KRTAP4-11: variants seen among roughly 807,000 people sequenced by gnomAD.
KRTAP4-11 encodes the protein keratin associated protein 4-11, also known as keratin-associated protein 4-11.
In KRTAP4-11, 3 loss-of-function variants were observed where a neutral mutation model predicts 3.4. The ratio of observed to expected loss-of-function variants is 0.87; its 90% CI spans 0.40 to 2.26. The LOEUF is 2.26. Ranked by LOEUF, KRTAP4-11 falls within the 30% of genes most tolerant of loss-of-function variation. The pLI, the probability that KRTAP4-11 is intolerant of heterozygous loss-of-function variation, is 0.05. For synonymous variants in KRTAP4-11, 94 were observed against 89.4 expected (o/e 1.05, Z -0.29); for missense variants, 248 against 258.8 (o/e 0.96, Z 0.29).
At position 41,117,588 on chromosome 17, in the gene KRTAP4-11, G is replaced by T. The variant is rs1597991044; in HGVS notation, c.*140C>A. On this transcript the variant is annotated 3_prime_UTR_variant, in exon 1 of 1. Coordinates refer to ENST00000391413, the MANE Select transcript of KRTAP4-11 (RefSeq NM_033059.4). ...ATGTTCTCACAGAGTCAGTGGGATG[G>T]TGATGGGCTCATTGGAAACATGAAG... 7.5e-7 allele frequency: 1 copy of T among 1,337,108 alleles called. No homozygotes were observed. Among genetic ancestry groups the T allele is most frequent in the Non-Finnish European group, 1.0e-6 (1 of 992,552 alleles). The allele number at this position is 1,337,108 out of a possible 1,614,324, so 82.8% of individuals were successfully genotyped here. A position where few individuals can be genotyped will look rare whatever the true frequency, so the allele number is the denominator to read the frequency against.
Position 41,117,423 on chromosome 17 carries a change from G to C in KRTAP4-11, c.*305C>G. 3.8e-6 allele frequency: 2 copies of C among 524,604 alleles called. No individual in the cohort carries two copies. 32.5% of individuals were successfully genotyped at this position (524,604 alleles called of 1,614,324 possible). On this transcript the variant is annotated 3_prime_UTR_variant, in exon 1 of 1. Coordinates refer to ENST00000391413, the MANE Select transcript of KRTAP4-11 (RefSeq NM_033059.4). ...TGTACCTCACTGGGAAGGATATTCT[G>C]TAGGCTCAAAACGATTTAAAAAATG...
rs904248156 is a variant in KRTAP4-11, at chr17:41,117,373, T to C, written c.*355A>G. The C allele has an allele frequency of 2.7e-5, 9 of 334,856 alleles. No homozygotes were observed. The highest frequency in any genetic ancestry group is 4.9e-5 in the Non-Finnish European group (9 of 184,530). 20.7% of individuals were successfully genotyped at this position (334,856 alleles called of 1,614,324 possible). ...AATGACTGAAAGGCTGACAGACAAA[T>C]AATATGTTTGAAATGGAGATAATGT... On this transcript the variant is annotated 3_prime_UTR_variant, in exon 1 of 1. Transcript: ENST00000391413.
rs1219159951 is a variant in KRTAP4-11 at position 41,117,295 on chromosome 17, G to T, written c.*433C>A. 2 of 197,072 alleles carry T rather than the reference G, an allele frequency of 1.0e-5. No homozygotes were observed. Among genetic ancestry groups the T allele is most frequent in the East Asian group, 2.7e-4 (2 of 7,478 alleles). 12.2% of individuals were successfully genotyped at this position (197,072 alleles called of 1,614,324 possible). On this transcript the variant is annotated 3_prime_UTR_variant, in exon 1 of 1. Transcript: ENST00000391413. ...CAAACAGAGACAAAGAGAGAACAGGGAGAAAGCAGGAGAGCATGGGAGGGG... is the reference window on the plus strand; with the variant it reads ...CAAACAGAGACAAAGAGAGAACAGGTAGAAAGCAGGAGAGCATGGGAGGGG...
chr17:41,118,036 A>G lies in KRTAP4-11; in HGVS notation c.280T>C (p.Cys94Arg). 6.7e-7 allele frequency: 1 copy of G among 1,484,738 alleles called. No individual in the cohort carries two copies. Among genetic ancestry groups the G allele is most frequent in the African/African-American group, 1.5e-5 (1 of 65,940 alleles). The allele number at this position is 1,484,738 out of a possible 1,614,324, so 92.0% of individuals were successfully genotyped here. ...GGGCGGCAGCAAGTGGGCTGGCAGC[A>G]CATAGACTGGCAGCACTGGGGCTTG... ...CCKPQCCQSM[C>R]CQPTCCRPRC... The change falls in exon 1 of 1, where the codon TGC becomes CGC. Residue 94 changes from cysteine (C) to arginine (R), a missense_variant. Cys to Arg is a radical substitution (Grantham distance 180, BLOSUM62 -3). Around this residue, in one of 3 missense-constraint regions of KRTAP4-11, gnomAD observed 7 missense variants for 25.7 expected, o/e 0.27. Transcript: ENST00000391413.
chr17:41,117,851 G>A lies in KRTAP4-11; in HGVS notation c.465C>T (p.Cys155=). The change falls in exon 1 of 1, where the codon TGC becomes TGT. Residue 155 remains cysteine (C), a synonymous_variant. Transcript: ENST00000391413. ...CTGGACGCAGGCAGCAGCAGGGGCG[G>A]CAGCAGCTGGATTCACAGCAAGAGG... The part of the protein sequence containing the change: ...CRPSCCESSC[C]RPCCCLRPVC... 3 of 1,591,864 alleles carry A rather than the reference G, an allele frequency of 1.9e-6. No individual in the cohort carries two copies. The highest frequency in any genetic ancestry group is 2.6e-6 in the Non-Finnish European group (3 of 1,162,620).
chr17:41,117,875 G>C lies in KRTAP4-11; in HGVS notation c.441C>G (p.Pro147=), dbSNP rs766727385. 36 of 1,611,366 alleles carry C rather than the reference G, an allele frequency of 2.2e-5. No homozygotes were observed. Among genetic ancestry groups the C allele is most frequent in the South Asian group, 4.4e-5 (4 of 90,960 alleles). The stretch of plus-strand genomic sequence containing the variant: ...GGCAGCAGCTGGATTCACAGCAAGA[G>C]GGGCGGCAGCAGCTGGAGATGCTGC... ...PSCSISSCCR[P]SCCESSCCRP... Residue 147 remains proline, a synonymous_variant, in exon 1 of 1, where the codon CCC becomes CCG. Transcript: ENST00000391413.
Position 41,118,337 on chromosome 17 carries a change from T to C in KRTAP4-11, c.-22A>G. The C allele has an allele frequency of 6.3e-7, 1 of 1,575,530 alleles. No homozygotes were observed. Among genetic ancestry groups the C allele is most frequent in the Non-Finnish European group, 8.6e-7 (1 of 1,159,578 alleles). The stretch of plus-strand genomic sequence containing the variant: ...CCATGGTGTCAGAGGGTGAAGGATC[T>C]AGTTGGGTTTCTAGGAGAGTGAAGT... On this transcript the variant is annotated 5_prime_UTR_variant, in exon 1 of 1. Coordinates refer to ENST00000391413, the MANE Select transcript of KRTAP4-11 (RefSeq NM_033059.4).
chr17:41,117,666 C>G lies in KRTAP4-11; in HGVS notation c.*62G>C. ...ACTCCATGTGTCCTAATAGTCAGCA[C>G]AGAAGAATGGTCTACAACTGTGGGC... On this transcript the variant is annotated 3_prime_UTR_variant, in exon 1 of 1. Coordinates refer to ENST00000391413, the MANE Select transcript of KRTAP4-11 (RefSeq NM_033059.4). The G allele has an allele frequency of 4.6e-6, 7 of 1,521,332 alleles. No homozygotes were observed. Among genetic ancestry groups the G allele is most frequent in the Middle Eastern group, 1.7e-4 (1 of 5,810 alleles). 94.2% of individuals were successfully genotyped at this position (1,521,332 alleles called of 1,614,324 possible).
Position 41,117,784 on chromosome 17 carries a change from T to C in KRTAP4-11, c.532A>G (p.Thr178Ala), listed in dbSNP as rs767683124. 119 of 1,596,778 alleles carry C rather than the reference T, an allele frequency of 7.5e-5. 2 individuals carry two copies. The Middle Eastern group carries it at 4.6e-3, about 62-fold the overall frequency. Residue 178 changes from threonine (T) to alanine (A), a missense_variant, in exon 1 of 1, where the codon ACC becomes GCC. By Grantham distance (58) the Thr-to-Ala change is moderately conservative. Transcript: ENST00000391413. Reference sequence around the variant, plus strand: ...CGGGGGCAGCTGGAGATGACACAGGTTGGGCGATAGCAAGTGGTGTGGCAG... The same window carrying C: ...CGGGGGCAGCTGGAGATGACACAGGCTGGGCGATAGCAAGTGGTGTGGCAG... ...VSCHTTCYRP[T>A]CVISSCPRPL... is the part of the protein sequence containing the mutation.
rs942012212 is a variant in KRTAP4-11, at chr17:41,117,310, C to A, written c.*418G>T. The A allele has an allele frequency of 4.7e-6, 1 of 213,552 alleles. No homozygotes were observed. Among genetic ancestry groups the A allele is most frequent in the Non-Finnish European group, 9.3e-6 (1 of 107,924 alleles). The allele number at this position is 213,552 out of a possible 1,614,324, so 13.2% of individuals were successfully genotyped here. ...AGAGAACAGGGAGAAAGCAGGAGAG[C>A]ATGGGAGGGGCAGCCTCCTACCTTT... On this transcript the variant is annotated 3_prime_UTR_variant, in exon 1 of 1. Transcript: ENST00000391413.
rs1597991425 is a variant in KRTAP4-11, at chr17:41,117,873, G to T, written c.443C>A (p.Ser148Tyr). The T allele has an allele frequency of 6.2e-7, 1 of 1,609,780 alleles. No individual in the cohort carries two copies. ...SCSISSCCRP[S>Y]CCESSCCRPC... ...GCGGCAGCAGCTGGATTCACAGCAA[G>T]AGGGGCGGCAGCAGCTGGAGATGCT... Residue 148 changes from serine (S) to tyrosine (Y), a missense_variant, in exon 1 of 1, where the codon TCT (serine) becomes TAT (tyrosine). Physicochemically the swap from Ser to Tyr is moderately radical, Grantham distance 144. Transcript: ENST00000391413.
In KRTAP4-11 at chr17:41,118,300, A is replaced by G; in HGVS notation, c.16T>C (p.Cys6Arg). 6.2e-7 allele frequency: 1 copy of G among 1,604,894 alleles called. No homozygotes were observed. The highest frequency in any genetic ancestry group is 1.1e-5 in the South Asian group (1 of 89,682). Reference sequence around the variant, plus strand: ...CCTTGGTGAGAGCACACGGAGCCACAACAGGAGTTTACCATGGTGTCAGAG... The same window carrying G: ...CCTTGGTGAGAGCACACGGAGCCACGACAGGAGTTTACCATGGTGTCAGAG... MVNSC[C>R]GSVCSHQGCG... The change falls in exon 1 of 1, where the codon TGT becomes CGT. Residue 6 changes from cysteine to arginine, a missense_variant. Transcript: ENST00000391413.
chr17:41,117,656 A>G lies in KRTAP4-11; in HGVS notation c.*72T>C. ...CATCAATCCCACTCCATGTGTCCTA[A>G]TAGTCAGCACAGAAGAATGGTCTAC... On this transcript the variant is annotated 3_prime_UTR_variant, in exon 1 of 1. Transcript: ENST00000391413. 1 of 1,510,152 alleles carries G rather than the reference A, an allele frequency of 6.6e-7. No homozygotes were observed. Among genetic ancestry groups the G allele is most frequent in the African/African-American group, 1.4e-5 (1 of 72,124 alleles). The allele number at this position is 1,510,152 out of a possible 1,614,324, so 93.5% of individuals were successfully genotyped here.
Position 41,118,232 on chromosome 17 carries a change from G to C in KRTAP4-11, c.84C>G (p.Ser28Arg), listed in dbSNP as rs761423672. Residue 28 changes from serine (S) to arginine (R), a missense_variant, in exon 1 of 1, where the codon AGC becomes AGG. Physicochemically the swap from Ser to Arg is moderately radical, Grantham distance 110. Transcript: ENST00000391413. ...TCCTGCAGCAGGTGGTCTCACAGCA[G>C]CTGGGGCGGCAGCAGGTCTCCTGGC... Reference protein sequence around the residue: ...DLCQETCCRPSCCETTCCRTT... With the variant: ...DLCQETCCRPRCCETTCCRTT... 6.2e-7 allele frequency: 1 copy of C among 1,609,798 alleles called. No individual in the cohort carries two copies. The highest frequency in any genetic ancestry group is 8.5e-7 in the Non-Finnish European group (1 of 1,177,568).
At position 41,118,138 on chromosome 17, in the gene KRTAP4-11, A is replaced by C; in HGVS notation, c.178T>G (p.Cys60Gly). Residue 60 changes from cysteine (C) to glycine (G), a missense_variant, in exon 1 of 1, where the codon TGC becomes GGC. This residue lies in a region of KRTAP4-11 where 110 missense variants were observed against 102.8 expected (regional missense o/e 1.07). Transcript: ENST00000391413. ...CTGGGGCGGCAGCAGGTGGGCTGGC[A>C]GCACACAGACTGGCAGCACTGGGGC... The part of the protein sequence containing the change: ...CRPQCCQSVC[C>G]QPTCCRPRCC... The C allele has an allele frequency of 6.4e-7, 1 of 1,561,716 alleles. No individual in the cohort carries two copies. The highest frequency in any genetic ancestry group is 8.7e-7 in the Non-Finnish European group (1 of 1,150,508).
rs773388043 is a variant in KRTAP4-11 at position 41,117,253 on chromosome 17, AT to A, written c.*474del. The A allele has an allele frequency of 1.2e-4, 21 of 169,718 alleles. No homozygotes were observed. Among genetic ancestry groups the A allele is most frequent in the Non-Finnish European group, 2.6e-4 (21 of 79,660 alleles). 10.5% of individuals were successfully genotyped at this position (169,718 alleles called of 1,614,324 possible). Reference sequence around the variant, plus strand: ...GATAAAGAACCAATAAAATAGAAAAATTCTGGCAAACTTGAACAAACAGAGA... The same window carrying A: ...GATAAAGAACCAATAAAATAGAAAAATCTGGCAAACTTGAACAAACAGAGA... On this transcript the variant is annotated 3_prime_UTR_variant, in exon 1 of 1. Transcript: ENST00000391413.
chr17:41,117,846 G>A lies in KRTAP4-11; in HGVS notation c.470C>T (p.Pro157Leu), dbSNP rs1432863207. 1 of 1,603,734 alleles carries A rather than the reference G, an allele frequency of 6.2e-7. No individual in the cohort carries two copies. Among genetic ancestry groups the A allele is most frequent in the African/African-American group, 1.3e-5 (1 of 74,440 alleles). ...PSCCESSCCR[P>L]CCCLRPVCGR... is the part of the protein sequence containing the mutation. ...ACAGACTGGACGCAGGCAGCAGCAG[G>A]GGCGGCAGCAGCTGGATTCACAGCA... Residue 157 changes from proline to leucine, a missense_variant, in exon 1 of 1, where the codon CCC becomes CTC. Transcript: ENST00000391413.
chr17:41,118,324 A>C lies in KRTAP4-11; in HGVS notation c.-9T>G. On this transcript the variant is annotated 5_prime_UTR_variant, in exon 1 of 1. Coordinates refer to ENST00000391413, the MANE Select transcript of KRTAP4-11 (RefSeq NM_033059.4). ...CAACAGGAGTTTACCATGGTGTCAG[A>C]GGGTGAAGGATCTAGTTGGGTTTCT... is the stretch of plus-strand genomic sequence containing the variant. 1 of 1,588,068 alleles carries C rather than the reference A, an allele frequency of 6.3e-7. No individual in the cohort carries two copies. Among genetic ancestry groups the C allele is most frequent in the Non-Finnish European group, 8.6e-7 (1 of 1,166,130 alleles).
rs923446349 is a variant in KRTAP4-11, at chr17:41,117,267, G to C, written c.*461C>G. ...AAAATAGAAAAATTCTGGCAAACTTGAACAAACAGAGACAAAGAGAGAACA... is the reference window on the plus strand; with the variant it reads ...AAAATAGAAAAATTCTGGCAAACTTCAACAAACAGAGACAAAGAGAGAACA... On this transcript the variant is annotated 3_prime_UTR_variant, in exon 1 of 1. Transcript: ENST00000391413. 1 of 175,586 alleles carries C rather than the reference G, an allele frequency of 5.7e-6. No individual in the cohort carries two copies. Among genetic ancestry groups the C allele is most frequent in the East Asian group, 1.7e-4 (1 of 6,020 alleles). 10.9% of individuals were successfully genotyped at this position (175,586 alleles called of 1,614,324 possible). A position where few individuals can be genotyped will look rare whatever the true frequency, so the allele number is the denominator to read the frequency against.
Sources: gnomAD v4.1 joint callset for allele counts on GRCh38, gnomAD v4.1.1 for gene constraint, gnomAD v4.1.1 regional missense constraint, MANE v1.5 for transcripts, NCBI Gene and HGNC (gene_info 2026-07-23, HGNC 2026-07-21) for gene names.